The following TTN variants were observed in gnomAD, a reference collection of about 807,000 sequenced individuals.
TTN encodes the protein connectin.
Under a neutral mutation model 3,223.0 loss-of-function variants are expected in TTN, and 1,525 were observed. That is an observed-to-expected ratio of 0.47 (90% CI 0.45 to 0.49). The LOEUF (loss-of-function observed/expected upper bound fraction) is 0.49. Among genes scored for constraint, TTN ranks in the 20% least tolerant of loss-of-function variants. The pLI is 0.00. For missense variants in TTN, 40,786 were observed against 43,424.0 expected (o/e 0.94, Z 5.40); for synonymous variants, 14,094 against 15,161.0 (o/e 0.93, Z 5.17).
chr2:178,540,403 G>A, intron 350 of TTN, 33 bp from the exon 351 acceptor site: 1 of 1,545,924 alleles, frequency 6.5e-7, no homozygotes, highest in South Asian at 1.2e-5. Flanking sequence ...ACTGGTTAAA[G>A]TTGCTGCAAA....
At position 178,653,448 on chromosome 2, in the gene TTN, G is replaced by C; in HGVS notation, c.38686C>G (p.Pro12896Ala). The change falls in exon 197 of 363, where the codon CCA (proline) becomes GCA (alanine). Residue 12896 changes from proline to alanine, a missense_variant. Physicochemically the swap from Pro to Ala is conservative, Grantham distance 27. Coordinates refer to ENST00000589042, the MANE Select transcript of TTN (RefSeq NM_001267550.2). ...GTACCTGTAACAGGTGGAACTTCTG[G>C]CTTTTTAGGAAGCACCAGTGTTTTC... ...EKKTLVLPKK[P>A]EVPPVTVPEA... is the part of the protein sequence containing the mutation. The C allele has an allele frequency of 6.3e-7, 1 of 1,576,302 alleles. No individual in the cohort carries two copies. The highest frequency in any genetic ancestry group is 8.5e-7 in the Non-Finnish European group (1 of 1,170,000).
In TTN at chr2:178,702,592, A is replaced by G. The variant is rs2075201214; in HGVS notation, c.30295T>C (p.Cys10099Arg). The change falls in exon 107 of 363, where the codon TGT (cysteine) becomes CGT (arginine). Residue 10099 changes from cysteine to arginine, a missense_variant. Transcript: ENST00000589042. ...ATGGCATCATCAAAGGACACTTCAC[A>G]CTCAAAGGTGGCAGACTGATGCTCA... ...VSEHQSATFE[C>R]EVSFDDAIVT... 6.2e-7 allele frequency: 1 copy of G among 1,613,888 alleles called. No individual in the cohort carries two copies. Among genetic ancestry groups the G allele is most frequent in the East Asian group, 2.2e-5 (1 of 44,872 alleles).
chr2:178,789,621 A>G, intron 12 of TTN, 124 bp from the exon 13 acceptor site: 1 of 1,313,342 alleles, frequency 7.6e-7, no homozygotes, highest in Admixed American at 2.0e-5. Context: ...CAAGAGAAAT[A>G]AACTTTCACC....
intron 313 of TTN, 131 bp from the exon 314 acceptor site, chr2:178,582,723 G>C: frequency 9.7e-7 from 1 of 1,026,726 alleles, no homozygotes; most frequent in Non-Finnish European, 1.3e-6. Flanking sequence ...TAATTTTTTA[G>C]AATCTTAGTT....
intron 13 of TTN, 133 bp from the exon 14 acceptor site, chr2:178,786,274 A>C (rs1449858892): frequency 9.6e-6 from 9 of 936,684 alleles, no homozygotes; most frequent in Middle Eastern, 3.0e-4. Flanking sequence ...GTATCTCAGA[A>C]ACACTTTTAG....
Position 178,617,165 on chromosome 2 carries a change from C to A in TTN, c.47830G>T (p.Asp15944Tyr). 1 of 1,604,592 alleles carries A rather than the reference C, an allele frequency of 6.2e-7. No individual in the cohort carries two copies. The highest frequency in any genetic ancestry group is 1.1e-5 in the South Asian group (1 of 89,604). ...AGAGGACCAAGAATTTCAGATGGAT[C>A]TGAAACACCAGCTTTATTTTCTGCA... ...VSAENKAGVSDPSEILGPLTA... is the reference protein window; with the variant it reads ...VSAENKAGVSYPSEILGPLTA... The change falls in exon 255 of 363, where the codon GAT becomes TAT. Residue 15944 changes from aspartate to tyrosine, a missense_variant. Asp to Tyr is a radical substitution (Grantham distance 160). Transcript: ENST00000589042.
At position 178,715,017 on chromosome 2, in the gene TTN, G is replaced by A. The variant is rs1304915212; in HGVS notation, c.26169C>T (p.Ser8723=). The A allele has an allele frequency of 2.4e-5, 38 of 1,612,270 alleles. No individual in the cohort carries two copies. The highest frequency in any genetic ancestry group is 3.3e-4 in the Middle Eastern group (2 of 6,072). ...GAGCGATGGAACCAACGCAAGTGTC[G>A]CTTCCCACATCATTTGTGGCTTTAC... ...YQCKATNDVG[S]DTCVGSIALK... The change falls in exon 90 of 363, where the codon AGC becomes AGT. Residue 8723 remains serine, a synonymous_variant. Coordinates refer to ENST00000589042, the MANE Select transcript of TTN (RefSeq NM_001267550.2).
chr2:178,769,876 T>G lies in TTN; in HGVS notation c.8705A>C (p.Glu2902Ala), dbSNP rs2091213467. The G allele has an allele frequency of 1.9e-6, 3 of 1,613,988 alleles. No homozygotes were observed. The highest frequency in any genetic ancestry group is 2.5e-6 in the Non-Finnish European group (3 of 1,180,008). The change falls in exon 37 of 363, where the codon GAG becomes GCG. Residue 2902 changes from glutamate (E) to alanine (A), a missense_variant. Transcript: ENST00000589042. The stretch of plus-strand genomic sequence containing the variant: ...GACATTGAAGTGGGACACCTCACAC[T>G]CAAAAGAGGCAGTTTTGGTCTCAGG... ...EVPETKTASF[E>A]CEVSHFNVPS...
At position 178,717,378 on chromosome 2, in the gene TTN, A is replaced by T. The variant is rs1392610389; in HGVS notation, c.25356T>A (p.His8452Gln). 6.2e-7 allele frequency: 1 copy of T among 1,604,466 alleles called. No homozygotes were observed. The highest frequency in any genetic ancestry group is 2.2e-5 in the East Asian group (1 of 44,708). Residue 8452 changes from histidine (H) to glutamine (Q), a missense_variant, in exon 88 of 363, where the codon CAT (histidine) becomes CAA (glutamine). Physicochemically the swap from His to Gln is conservative, Grantham distance 24 (BLOSUM62 0). Coordinates refer to ENST00000589042, the MANE Select transcript of TTN (RefSeq NM_001267550.2). ...SSSAKLILSEHEVPPFFDLKP... is the reference protein window; with the variant it reads ...SSSAKLILSEQEVPPFFDLKP... ...TTAGATCAAAGAAAGGAGGCACTTC[A>T]TGCTCTGAAAAGAATGAAGACCAAC...
intron 335 of TTN, 84 bp downstream of exon 335, chr2:178,551,546 C>G (rs1699449926): frequency 1.7e-6 from 2 of 1,164,756 alleles, no homozygotes; most frequent in Non-Finnish European, 2.4e-6. Flanking sequence ...GAAGGTGATG[C>G]AGAGAAGAAA....
chr2:178,695,393 C>T lies in TTN; in HGVS notation c.31225G>A (p.Val10409Ile), dbSNP rs770219907. ...TTCTTTTCAGGTACTTTGGCTGGAACTTTTCTCTCATGTGATTCTGAAATA... is the reference window on the plus strand; with the variant it reads ...TTCTTTTCAGGTACTTTGGCTGGAATTTTTCTCTCATGTGATTCTGAAATA... ...EVYEESHERK[V>I]PAKVPEKKAP... Residue 10409 changes from valine (V) to isoleucine (I), a missense_variant, in exon 115 of 363, where the codon GTT (valine) becomes ATT (isoleucine). By Grantham distance (29) the Val-to-Ile change is conservative (BLOSUM62 3). Coordinates refer to ENST00000589042, the MANE Select transcript of TTN (RefSeq NM_001267550.2). The T allele has an allele frequency of 1.9e-6, 3 of 1,612,076 alleles. No individual in the cohort carries two copies. In the Admixed American group the frequency reaches 5.0e-5, roughly 27 times the overall value.
In TTN at chr2:178,591,855, A is replaced by G. The variant is rs1169664255; in HGVS notation, c.59964T>C (p.Asp19988=). The part of the protein sequence containing the change: ...PGPPKDLHHV[D]VDKTEVSLVW... ...CTAGGGAGACTTCAGTCTTGTCAAC[A>G]TCTACATGGTGCAGGTCCTTGGGTG... The change falls in exon 303 of 363, where the codon GAT becomes GAC. Residue 19988 remains aspartate, a synonymous_variant. Coordinates refer to ENST00000589042, the MANE Select transcript of TTN (RefSeq NM_001267550.2). The G allele has an allele frequency of 6.2e-7, 1 of 1,613,286 alleles. No individual in the cohort carries two copies. Among genetic ancestry groups the G allele is most frequent in the Non-Finnish European group, 8.5e-7 (1 of 1,179,566 alleles).
At position 178,773,728 on chromosome 2, in the gene TTN, G is replaced by A. The variant is rs772008843; in HGVS notation, c.7331-3C>T. Reference sequence around the variant, plus strand: ...TAGAGGTGTTATCACGTCCACACCTGCAAAATCATACACACACAAGATGAA... The same window carrying A: ...TAGAGGTGTTATCACGTCCACACCTACAAAATCATACACACACAAGATGAA... On this transcript the variant is annotated splice_region_variant and splice_polypyrimidine_tract_variant and intron_variant, in intron 31 of 362. Transcript: ENST00000589042. 3.1e-6 allele frequency: 5 copies of A among 1,613,910 alleles called. No homozygotes were observed. The African/African-American group carries it at 6.7e-5, about 22-fold the overall frequency.
At position 178,543,651 on chromosome 2, in the gene TTN, G is replaced by A. The variant is rs779955397; in HGVS notation, c.96322C>T (p.Pro32108Ser). 1 of 1,585,036 alleles carries A rather than the reference G, an allele frequency of 6.3e-7. No homozygotes were observed. Among genetic ancestry groups the A allele is most frequent in the Non-Finnish European group, 8.5e-7 (1 of 1,170,162 alleles). The change falls in exon 347 of 363, where the codon CCC becomes TCC. Residue 32108 changes from proline (P) to serine (S), a missense_variant. Coordinates refer to ENST00000589042, the MANE Select transcript of TTN (RefSeq NM_001267550.2). Reference sequence around the variant, plus strand: ...TCCTTAACTTTCACTGAAGGACAGGGACCAGGAGTATCTGAAAAACAGAAT... The same window carrying A: ...TCCTTAACTTTCACTGAAGGACAGGAACCAGGAGTATCTGAAAAACAGAAT... ...VLVKVYDTPG[P>S]CPSVKVKEVS... is the part of the protein sequence containing the mutation.
Position 178,613,019 on chromosome 2 carries a change from C to G in TTN, c.49702G>C (p.Val16568Leu), listed in dbSNP as rs748296603. ...TCTGGTTTTGTCCAATTCAACCTTACTGATGTTTTGCCTACATCTTTTACA... is the reference window on the plus strand; with the variant it reads ...TCTGGTTTTGTCCAATTCAACCTTAGTGATGTTTTGCCTACATCTTTTACA... ...PTVKDVGKTS[V>L]RLNWTKPEHD... Residue 16568 changes from valine to leucine, a missense_variant, in exon 265 of 363, where the codon GTA becomes CTA. Val to Leu is a conservative substitution (Grantham distance 32). Transcript: ENST00000589042. 22 of 1,612,698 alleles carry G rather than the reference C, an allele frequency of 1.4e-5. No homozygotes were observed. Among genetic ancestry groups the G allele is most frequent in the Non-Finnish European group, 2.5e-6 (3 of 1,179,272 alleles).
chr2:178,749,110 A>G lies in TTN; in HGVS notation c.11311+4014T>C, dbSNP rs571273316. On this transcript the variant is annotated intron_variant, in intron 47 of 362. Transcript: ENST00000589042. ...TGGCAGATGAATCTTTTGTATTGTAACTGTCAGAAATTCTCTCAGAGTGAA... is the reference window on the plus strand; with the variant it reads ...TGGCAGATGAATCTTTTGTATTGTAGCTGTCAGAAATTCTCTCAGAGTGAA... 8 of 1,612,732 alleles carry G rather than the reference A, an allele frequency of 5.0e-6. No individual in the cohort carries two copies. Among genetic ancestry groups the G allele is most frequent in the Non-Finnish European group, 5.9e-6 (7 of 1,179,432 alleles).
Position 178,800,491 on chromosome 2 carries a change from T to C in TTN, c.487A>G (p.Ile163Val), listed in dbSNP as rs2094004196. The C allele has an allele frequency of 1.2e-6, 2 of 1,614,192 alleles. No homozygotes were observed. The highest frequency in any genetic ancestry group is 2.2e-5 in the South Asian group (2 of 91,090). Residue 163 changes from isoleucine (I) to valine (V), a missense_variant, in exon 4 of 363, where the codon ATT (isoleucine) becomes GTT (valine). Transcript: ENST00000589042. ...SQEGDLYSLL[I>V]AEAYPEDSGT... Reference sequence around the variant, plus strand: ...GAGTCCTCAGGGTATGCTTCTGCAATCAGTAAGCTGTAGAGGTCGCCTTCT... The same window carrying C: ...GAGTCCTCAGGGTATGCTTCTGCAACCAGTAAGCTGTAGAGGTCGCCTTCT...
rs2154251321 is a variant in TTN, at chr2:178,652,940, A to G, written c.38876-9T>C. 2.5e-6 allele frequency: 4 copies of G among 1,603,972 alleles called. No homozygotes were observed. The highest frequency in any genetic ancestry group is 3.4e-6 in the Non-Finnish European group (4 of 1,176,966). ...TATGGGAGCCTCTGGCACTTAAAAGATATTAGTGAAATTACATTTAGAAGT... is the reference window on the plus strand; with the variant it reads ...TATGGGAGCCTCTGGCACTTAAAAGGTATTAGTGAAATTACATTTAGAAGT... On this transcript the variant is annotated splice_polypyrimidine_tract_variant and intron_variant, in intron 199 of 362. Coordinates refer to ENST00000589042, the MANE Select transcript of TTN (RefSeq NM_001267550.2).
In TTN at chr2:178,609,491, T is replaced by C; in HGVS notation, c.51819A>G (p.Gly17273=). The change falls in exon 273 of 363, where the codon GGA becomes GGG. Residue 17273 remains glycine, a synonymous_variant. Coordinates refer to ENST00000589042, the MANE Select transcript of TTN (RefSeq NM_001267550.2). ...TCCATGTAATAGTTGGGTAAGGTGATCCAGAAATACTTGCATCAAGTGCTA... is the reference window on the plus strand; with the variant it reads ...TCCATGTAATAGTTGGGTAAGGTGACCCAGAAATACTTGCATCAAGTGCTA... ...DEIALDASIS[G]SPYPTITWIK... 1 of 1,612,530 alleles carries C rather than the reference T, an allele frequency of 6.2e-7. No individual in the cohort carries two copies. Among genetic ancestry groups the C allele is most frequent in the Non-Finnish European group, 8.5e-7 (1 of 1,179,126 alleles).
Sources: allele counts gnomAD v4.1 joint callset, GRCh38; gene constraint gnomAD v4.1.1; transcripts MANE v1.5; gene names NCBI Gene and HGNC (gene_info 2026-07-23, HGNC 2026-07-21).